PATJ: variants seen among roughly 807,000 people sequenced by gnomAD.
PATJ encodes PATJ crumbs cell polarity complex component.
PATJ carries 190 observed loss-of-function variants against 224.9 expected under a neutral mutation model. The observed-to-expected ratio is 0.84, with a 90% CI of 0.75 to 0.95. The LOEUF is 0.95. Ranked by LOEUF, PATJ falls within the 40% of genes least tolerant of loss-of-function variation. The probability of loss-of-function intolerance (pLI) is 0.00; values close to 1 mark genes in which losing one functional copy is unlikely to be tolerated. For synonymous variants in PATJ, 769 were observed against 820.3 expected, an observed-to-expected ratio of 0.94 and a Z score of 1.07; for missense variants, 2,121 against 2,270.3, an observed-to-expected ratio of 0.93 and a Z score of 1.34.
At chr1:62,082,166 G>T (rs544866504) in intron 32 of PATJ, among the ~76,000 whole-genome samples, 235 of 152,178 alleles carry the variant, frequency 1.5e-3, no homozygotes, top group African/African-American at 5.4e-3. Flanking sequence ...GCCACCATAG[G>T]CTGGCCATAG....
intron 27 of PATJ, among the ~76,000 whole-genome samples, chr1:61,932,923 A>C (rs934321885): frequency 6.6e-6 from 1 of 152,188 alleles, no homozygotes; most frequent in African/African-American, 2.4e-5. Context: ...TAATAAGCAT[A>C]GTAATTATTG....
In PATJ at chr1:62,163,154, T is replaced by C. The variant is rs1218791141; in HGVS notation, c.*2100T>C. 6.3e-6 allele frequency: 1 copy of C among 159,388 alleles called. No individual in the cohort carries two copies. The allele number at this position is 159,388 out of a possible 1,614,324, so 9.9% of individuals were successfully genotyped here. ...TAATCACAAAGTGCATTAACTCTTG[T>C]TGGAATATTTTATGGCTATTCCAAA... On this transcript the variant is annotated 3_prime_UTR_variant, in exon 44 of 44. Coordinates refer to ENST00000642238, the MANE Select transcript of PATJ (RefSeq NM_001350145.3).
At chr1:61,966,673 C>T (rs1243503577) in intron 27 of PATJ, among the ~76,000 whole-genome samples, 4 of 131,950 alleles carry the variant, frequency 3.0e-5, no homozygotes, top group Admixed American at 8.7e-5. Context: ...GCGACAAGAG[C>T]GAGACTTCAT....
chr1:61,830,501 A>C (rs1659112192), intron 16 of PATJ, among the ~76,000 whole-genome samples: 1 of 152,040 alleles, frequency 6.6e-6, no homozygotes, highest in Admixed American at 6.5e-5. Context: ...AACTATTCTA[A>C]AATTTTTCTA....
chr1:62,030,484 A>G (rs1412621), intron 29 of PATJ, among the ~76,000 whole-genome samples: 96,572 of 151,950 alleles, frequency 0.64, 31,556 homozygotes, highest in African/African-American at 0.79. Context: ...CCAAGCCAAC[A>G]TAGTTGTCTT....
intron 22 of PATJ, among the ~76,000 whole-genome samples, chr1:61,886,075 C>T (rs1668790030): frequency 6.6e-6 from 1 of 151,628 alleles, no homozygotes; most frequent in South Asian, 2.1e-4. Flanking sequence ...ATACCTAATG[C>T]TAAATGACGA....
At position 61,966,703 on chromosome 1, in the gene PATJ, A is replaced by AT. The variant is rs1682207950; in HGVS notation, c.3671-23465_3671-23464insT. Among the ~76,000 whole-genome samples the AT allele has an allele frequency of 2.6e-5, 4 of 151,218 alleles. No individual in the cohort carries two copies. The South Asian group carries it at 8.3e-4, about 31-fold the overall frequency. ...CTTCATCTCAAAAAAAAAAAAAAAA[A>AT]GCAAGTTTATTAGGAAAGTAAAGGA... is the stretch of plus-strand genomic sequence containing the variant. On this transcript the variant is annotated intron_variant, in intron 27 of 43. Transcript: ENST00000642238.
At chr1:61,923,922 C>CA (rs535481890) in intron 26 of PATJ, among the ~76,000 whole-genome samples, 17,061 of 77,486 alleles carry the variant, frequency 0.22, 1,568 homozygotes, top group Middle Eastern at 0.36. Flanking sequence ...AACTCCATCT[C>CA]AAAAAAAAAA....
Position 62,018,873 on chromosome 1 carries a change from A to G in PATJ, c.3959+926A>G, listed in dbSNP as rs959390372. Among the ~76,000 whole-genome samples the G allele has an allele frequency of 7.9e-5, 12 of 152,282 alleles. No individual in the cohort carries two copies. In the South Asian group the frequency reaches 1.2e-3, roughly 16 times the overall value. On this transcript the variant is annotated intron_variant, in intron 29 of 43. Coordinates refer to ENST00000642238, the MANE Select transcript of PATJ (RefSeq NM_001350145.3). The surrounding 1 kb of genome is among the most constrained non-coding windows in gnomAD (Gnocchi z 4.2). ...TCCATTCCCAGGGACCACTGGGATT[A>G]GGAGGTAGTTTTATTCCCAGCTTGG... is the stretch of plus-strand genomic sequence containing the variant.
At chr1:61,814,418 C>G (rs1404789806) in intron 14 of PATJ, among the ~76,000 whole-genome samples, 1 of 152,096 alleles carries the variant, frequency 6.6e-6, no homozygotes, top group Non-Finnish European at 1.5e-5. Context: ...GCTGGGATTA[C>G]AGGCGTGAGC....
At chr1:61,832,287 A>G (rs902383842) in intron 16 of PATJ, among the ~76,000 whole-genome samples, 6 of 152,052 alleles carry the variant, frequency 3.9e-5, no homozygotes, top group African/African-American at 1.5e-4. Context: ...CAATTTACCC[A>G]TATAACAAAC....
chr1:62,156,792 T>A (rs1332478537), intron 43 of PATJ, among the ~76,000 whole-genome samples: 3 of 151,496 alleles, frequency 2.0e-5, no homozygotes, highest in Non-Finnish European at 4.4e-5. Flanking sequence ...GGCACACATC[T>A]GTGGTCCCAG....
intron 31 of PATJ, among the ~76,000 whole-genome samples, chr1:62,075,443 TACA>T (rs1658126549): frequency 6.6e-6 from 1 of 152,268 alleles, no homozygotes; most frequent in East Asian, 1.9e-4. Flanking sequence ...CTTTAATTTT[TACA>T]ACAACCTTGC....
chr1:61,880,290 G>C (rs916601215), intron 21 of PATJ, among the ~76,000 whole-genome samples: 1 of 152,170 alleles, frequency 6.6e-6, no homozygotes, highest in Non-Finnish European at 1.5e-5. Context: ...TATCTCTAAT[G>C]CCTAGAATAG....
chr1:62,072,976 T>C (rs139690951), intron 31 of PATJ: 3 of 924,600 alleles, frequency 3.2e-6, no homozygotes, highest in African/African-American at 3.6e-5. Context: ...AAAGTGCGGT[T>C]GAGCCCTCCA....
At chr1:61,808,551 A>G in intron 14 of PATJ, 21 bp downstream of exon 14, 1 of 1,523,914 alleles carries the variant, frequency 6.6e-7, no homozygotes, top group Non-Finnish European at 9.1e-7. Context: ...TTTATAACAA[A>G]GTTAACAGTT....
At chr1:61,744,483 C>T (rs928253673) in intron 1 of PATJ, among the ~76,000 whole-genome samples, 2 of 151,968 alleles carry the variant, frequency 1.3e-5, no homozygotes, top group East Asian at 1.9e-4. Context: ...TGATTTTGAC[C>T]TGGTATCTGC....
At chr1:62,110,228 G>T (rs540360181) in intron 34 of PATJ, among the ~76,000 whole-genome samples, 5 of 152,252 alleles carry the variant, frequency 3.3e-5, no homozygotes, top group Admixed American at 6.5e-5. Context: ...CTCTCAGTTT[G>T]GTCAGGGAAC....
At chr1:62,134,799 T>C (rs1347465434) in intron 41 of PATJ, among the ~76,000 whole-genome samples, 2 of 152,174 alleles carry the variant, frequency 1.3e-5, no homozygotes, top group African/African-American at 2.4e-5. Flanking sequence ...CCAGAGCAGA[T>C]ACCTCCTCAG....
Sources: gnomAD v4.1 joint callset for allele counts (sites outside exome capture counted in the v4.1 genomes callset) on GRCh38, gnomAD v4.1.1 for gene constraint, Gnocchi (gnomAD v3.1) non-coding constraint, MANE v1.5 for transcripts, NCBI Gene and HGNC (gene_info 2026-07-23, HGNC 2026-07-21) for gene names.